The following MEGF11 variants were observed in gnomAD, a reference collection of about 807,000 sequenced individuals.
The protein encoded by MEGF11 is multiple EGF like domains 11.
Under a neutral mutation model 146.6 loss-of-function variants are expected in MEGF11, and 126 were observed. The ratio of observed to expected loss-of-function variants is 0.86; its 90% CI spans 0.74 to 1.00. The LOEUF (loss-of-function observed/expected upper bound fraction) is 1.00. Among genes scored for constraint, MEGF11 ranks in the 50% least tolerant of loss-of-function variants. The probability of loss-of-function intolerance (pLI) is 0.00; values close to 1 mark genes in which losing one functional copy is unlikely to be tolerated. For synonymous variants in MEGF11, 532 were observed against 583.4 expected, an observed-to-expected ratio of 0.91 and a Z score of 1.27; for missense variants, 1,509 against 1,521.2, an observed-to-expected ratio of 0.99 and a Z score of 0.13.
chr15:65,924,376 G>T (rs569315159), intron 13 of MEGF11, among the ~76,000 whole-genome samples: 4 of 138,686 alleles, frequency 2.9e-5, no homozygotes, highest in African/African-American at 5.1e-5. Flanking sequence ...GTGTGGGTGG[G>T]GGGGGGGGCA....
intron 5 of MEGF11, among the ~76,000 whole-genome samples, chr15:66,010,384 G>A (rs1444096449): frequency 6.6e-6 from 1 of 151,922 alleles, no homozygotes; most frequent in Non-Finnish European, 1.5e-5. Flanking sequence ...GTAAAGATGG[G>A]GTTTCACCAT....
intron 1 of MEGF11, among the ~76,000 whole-genome samples, chr15:66,150,198 C>T (rs974630238): frequency 2.6e-5 from 4 of 152,234 alleles, no homozygotes; most frequent in Non-Finnish European, 4.4e-5. Context: ...GGAGCCAGGC[C>T]ACCCAGGGGA....
chr15:66,016,567 C>T (rs28709445), intron 5 of MEGF11, among the ~76,000 whole-genome samples: 1 of 150,742 alleles, frequency 6.6e-6, no homozygotes. Flanking sequence ...CCTGCAACAC[C>T]GACAAAGTGT....
At chr15:66,145,957 G>T (rs989334081) in intron 1 of MEGF11, among the ~76,000 whole-genome samples, 3 of 152,174 alleles carry the variant, frequency 2.0e-5, no homozygotes, top group Admixed American at 6.5e-5. Flanking sequence ...TGCTATTACC[G>T]TTGGGCGCAC....
rs191379808 is a variant in MEGF11, at chr15:66,116,164, T to A, written c.301+2922A>T. Among the ~76,000 whole-genome samples the A allele has an allele frequency of 2.2e-4, 33 of 152,272 alleles. No homozygotes were observed. The East Asian group carries it at 4.2e-3, about 20-fold the overall frequency. On this transcript the variant is annotated intron_variant, in intron 4 of 25. Transcript: ENST00000395614. ...GACGGCGTCATTGCAACCCTCAAGG[T>A]GGAGCTCAAGGCCCCGTGAAGCAGG... is the stretch of plus-strand genomic sequence containing the variant.
intron 1 of MEGF11, among the ~76,000 whole-genome samples, chr15:66,243,664 G>T (rs571161752): frequency 6.6e-6 from 1 of 152,286 alleles, no homozygotes; most frequent in South Asian, 2.1e-4. Context: ...TATGTAGATT[G>T]TTGCTCATCC....
intron 1 of MEGF11, among the ~76,000 whole-genome samples, chr15:66,176,996 AC>A (rs2090404176): frequency 6.6e-6 from 1 of 152,092 alleles, no homozygotes; most frequent in African/African-American, 2.4e-5. Flanking sequence ...ATTTGATCTA[AC>A]CCCTGGTAAC....
chr15:66,174,468 T>C (rs1439479539), intron 1 of MEGF11, among the ~76,000 whole-genome samples: 3 of 152,200 alleles, frequency 2.0e-5, no homozygotes, highest in Non-Finnish European at 4.4e-5. Flanking sequence ...CTCTCAACCC[T>C]GCCGCTTAGC....
At position 66,185,406 on chromosome 15, in the gene MEGF11, C is replaced by CT. The variant is rs201747033; in HGVS notation, c.-8-56996dup. ...CATTTGCTTTTGTGGGGTTTTTTTT[C>CT]TTTTTTTTCTTTCCACAATTTCAAC... On this transcript the variant is annotated intron_variant, in intron 1 of 25. Transcript: ENST00000395614. Among the ~76,000 whole-genome samples, 204 of 151,890 alleles carry CT rather than the reference C, an allele frequency of 1.3e-3. 1 individual carries two copies. Among genetic ancestry groups the CT allele is most frequent in the African/African-American group, 4.6e-3 (192 of 41,438 alleles).
intron 5 of MEGF11, among the ~76,000 whole-genome samples, chr15:66,036,500 T>C (rs1485998753): frequency 2.0e-5 from 3 of 152,208 alleles, no homozygotes; most frequent in Non-Finnish European, 4.4e-5. Context: ...TGATGGACAT[T>C]TGTGTTGCCT....
At chr15:65,912,966 A>G (rs1005898205) in intron 20 of MEGF11, among the ~76,000 whole-genome samples, 1 of 152,212 alleles carries the variant, frequency 6.6e-6, no homozygotes, top group African/African-American at 2.4e-5. Flanking sequence ...CCTTGTGCTC[A>G]CCCAGACAGG....
intron 3 of MEGF11, 119 bp downstream of exon 3, chr15:66,123,780 G>A: frequency 1.3e-6 from 1 of 764,826 alleles, no homozygotes; most frequent in Non-Finnish European, 2.3e-6. Context: ...CATCTTGGGT[G>A]TTCAGAGTGG....
intron 1 of MEGF11, among the ~76,000 whole-genome samples, chr15:66,156,484 C>T (rs1567266738): frequency 6.6e-6 from 1 of 152,100 alleles, no homozygotes; most frequent in African/African-American, 2.4e-5. Context: ...TTCTTAAAGA[C>T]AGCCACAGCT....
chr15:66,102,708 G>T (rs966545183), intron 4 of MEGF11, among the ~76,000 whole-genome samples: 2 of 152,102 alleles, frequency 1.3e-5, no homozygotes, highest in Middle Eastern at 3.2e-3. Flanking sequence ...CTTCCAAAAT[G>T]CTAGAATTAC....
rs1423743875 is a variant in MEGF11, at chr15:66,094,402, C to T, written c.394G>A (p.Gly132Ser). ...PGWGGPDCSS[G>S]CDSDHWGPHC... Reference sequence around the variant, plus strand: ...CCTGACCCCCAAACCCCAGACTCACCGCTGGAGCAGTCGGGCCCTCCCCAG... The same window carrying T: ...CCTGACCCCCAAACCCCAGACTCACTGCTGGAGCAGTCGGGCCCTCCCCAG... Residue 132 changes from glycine (G) to serine (S), a missense_variant and splice_region_variant, in exon 5 of 26, where the codon GGC becomes AGC. Physicochemically the swap from Gly to Ser is moderately conservative, Grantham distance 56 (BLOSUM62 0). Coordinates refer to ENST00000395614, the MANE Select transcript of MEGF11 (RefSeq NM_001385028.1). 20 of 1,555,178 alleles carry T rather than the reference C, an allele frequency of 1.3e-5. No homozygotes were observed. The highest frequency in any genetic ancestry group is 4.1e-5 in the African/African-American group (3 of 73,302).
intron 1 of MEGF11, among the ~76,000 whole-genome samples, chr15:66,214,438 T>C (rs929546751): frequency 2.0e-5 from 3 of 152,158 alleles, no homozygotes; most frequent in African/African-American, 7.2e-5. Flanking sequence ...GCAGGGGAAA[T>C]GACTCTCACG....
intron 1 of MEGF11, among the ~76,000 whole-genome samples, chr15:66,249,786 C>T (rs1222241442): frequency 2.0e-5 from 3 of 152,238 alleles, no homozygotes; most frequent in African/African-American, 4.8e-5. Flanking sequence ...ATTGCTGGAC[C>T]TACTCCAGAC....
At chr15:66,130,372 TG>T (rs2088588355) in intron 1 of MEGF11, among the ~76,000 whole-genome samples, 1 of 152,196 alleles carries the variant, frequency 6.6e-6, no homozygotes. Context: ...TGATTCTCTC[TG>T]TGGCCCTGAC....
At chr15:65,951,075 G>A (rs534379511) in intron 10 of MEGF11, among the ~76,000 whole-genome samples, 1 of 152,326 alleles carries the variant, frequency 6.6e-6, no homozygotes, top group East Asian at 1.9e-4. Context: ...GAGGTCCAGG[G>A]TTAGAGGGAA....
Sources: gnomAD v4.1 joint callset for allele counts (sites outside exome capture counted in the v4.1 genomes callset) on GRCh38, gnomAD v4.1.1 for gene constraint, MANE v1.5 for transcripts, NCBI Gene and HGNC (gene_info 2026-07-23, HGNC 2026-07-21) for gene names.